Variants in NEGR1 observed in about 807,000 individuals in gnomAD.
NEGR1 encodes the protein IgLON family member 4.
Under a neutral mutation model 40.9 loss-of-function variants are expected in NEGR1, and 10 were observed. The observed-to-expected ratio is 0.24, with a 90% CI of 0.15 to 0.42. The LOEUF (loss-of-function observed/expected upper bound fraction) is 0.42, where lower values mean the gene tolerates loss of function less well. NEGR1 is among the 10% of genes least tolerant of loss of function. The probability of loss-of-function intolerance (pLI) is 1.00; values close to 1 mark genes in which losing one functional copy is unlikely to be tolerated. For synonymous variants in NEGR1, 185 were observed against 166.8 expected (o/e 1.11, Z -0.84); for missense variants, 352 against 438.9 (o/e 0.80, Z 1.77).
At chr1:72,126,576 T>C (rs1440904129) in intron 1 of NEGR1, among the ~76,000 whole-genome samples, 5 of 152,160 alleles carry the variant, frequency 3.3e-5, no homozygotes, top group African/African-American at 1.2e-4. Context: ...ACTAAGGCTT[T>C]GGGACAGTTT....
chr1:72,136,982 A>G (rs1202595568), intron 1 of NEGR1, among the ~76,000 whole-genome samples: 4 of 152,164 alleles, frequency 2.6e-5, no homozygotes, highest in African/African-American at 7.2e-5. Flanking sequence ...GCAGCCAACA[A>G]ACTTATGAAA....
At chr1:71,612,023 C>A (rs540184390) in intron 4 of NEGR1, among the ~76,000 whole-genome samples, 20 of 152,322 alleles carry the variant, frequency 1.3e-4, no homozygotes, top group Admixed American at 3.3e-4. Flanking sequence ...GAGATCAAGA[C>A]CATCCTGGCT....
At chr1:71,527,410 TC>T (rs1647230614) in intron 6 of NEGR1, among the ~76,000 whole-genome samples, 1 of 87,338 alleles carries the variant, frequency 1.1e-5, no homozygotes, top group Non-Finnish European at 2.9e-5. Context: ...CCACCATCCA[TC>T]CATCCATCCA....
At chr1:72,166,179 A>T (rs1186510199) in intron 1 of NEGR1, among the ~76,000 whole-genome samples, 3 of 152,006 alleles carry the variant, frequency 2.0e-5, no homozygotes, top group Admixed American at 2.0e-4. Flanking sequence ...CACAACTTTA[A>T]TTTTGCTACC....
chr1:71,810,287 A>G (rs1657948249), intron 2 of NEGR1, among the ~76,000 whole-genome samples: 1 of 152,080 alleles, frequency 6.6e-6, no homozygotes, highest in Non-Finnish European at 1.5e-5. Flanking sequence ...TTATACAGTA[A>G]TGACATTTTT....
At chr1:72,201,780 CAT>C (rs1557576098) in intron 1 of NEGR1, among the ~76,000 whole-genome samples, 4 of 151,778 alleles carry the variant, frequency 2.6e-5, no homozygotes, top group African/African-American at 9.7e-5. Context: ...CTTAATGAAA[CAT>C]GTAATTTTAG....
intron 2 of NEGR1, among the ~76,000 whole-genome samples, chr1:71,785,407 G>C (rs1003917398): frequency 6.6e-6 from 1 of 151,900 alleles, no homozygotes; most frequent in East Asian, 1.9e-4. Context: ...AAAACCTTCA[G>C]TGATGGTAAC....
chr1:71,773,976 T>C (rs182655050), intron 3 of NEGR1, among the ~76,000 whole-genome samples: 29 of 152,326 alleles, frequency 1.9e-4, no homozygotes, highest in Non-Finnish European at 3.4e-4. Flanking sequence ...TCTTAAATTA[T>C]ATGAAGATAG....
chr1:71,536,381 G>A (rs1647514743), intron 6 of NEGR1, among the ~76,000 whole-genome samples: 1 of 151,620 alleles, frequency 6.6e-6, no homozygotes. Flanking sequence ...CCCACAAGAA[G>A]TGGTTGTTGA....
intron 1 of NEGR1, among the ~76,000 whole-genome samples, chr1:72,254,768 G>A (rs1026228289): frequency 3.3e-5 from 5 of 149,686 alleles, no homozygotes; most frequent in Non-Finnish European, 5.9e-5. Flanking sequence ...CCAGGACAAC[G>A]TTGACATTTT....
At chr1:71,964,228 T>C (rs943455669) in intron 1 of NEGR1, among the ~76,000 whole-genome samples, 2 of 152,116 alleles carry the variant, frequency 1.3e-5, no homozygotes, top group Admixed American at 6.6e-5. Flanking sequence ...GACACCCCCA[T>C]CGAAAGGCAG....
At chr1:72,162,347 C>T (rs1651600509) in intron 1 of NEGR1, among the ~76,000 whole-genome samples, 1 of 151,142 alleles carries the variant, frequency 6.6e-6, no homozygotes, top group African/African-American at 2.4e-5. Flanking sequence ...TGCCTGTAAT[C>T]CCAGCTACTT....
intron 6 of NEGR1, among the ~76,000 whole-genome samples, chr1:71,530,593 G>A (rs975198538): frequency 1.3e-5 from 2 of 151,100 alleles, no homozygotes; most frequent in African/African-American, 2.4e-5. Context: ...AATTCAACAC[G>A]TATTTATTAA....
At chr1:72,251,473 G>T (rs1377204176) in intron 1 of NEGR1, among the ~76,000 whole-genome samples, 2 of 152,074 alleles carry the variant, frequency 1.3e-5, no homozygotes, top group African/African-American at 4.8e-5. Context: ...TCCATACGGG[G>T]TTAGTTTCAG....
rs1249596164 is a variant in NEGR1 at position 71,611,951 on chromosome 1, G to A, written c.668-805C>T. On this transcript the variant is annotated intron_variant, in intron 4 of 6. Coordinates refer to ENST00000357731, the MANE Select transcript of NEGR1 (RefSeq NM_173808.3). ...GAAATGTATTGCATTGGCCGAGTGCGGTGGCTCACGCCTGTAATCCCAGCA... is the reference window on the plus strand; with the variant it reads ...GAAATGTATTGCATTGGCCGAGTGCAGTGGCTCACGCCTGTAATCCCAGCA... Among the ~76,000 whole-genome samples the A allele has an allele frequency of 6.6e-5, 10 of 152,238 alleles. No homozygotes were observed. In the Middle Eastern group the frequency reaches 0.014, roughly 207 times the overall value.
intron 3 of NEGR1, among the ~76,000 whole-genome samples, chr1:71,717,040 C>T (rs1248018343): frequency 3.3e-5 from 5 of 152,278 alleles, no homozygotes; most frequent in Middle Eastern, 3.4e-3. Flanking sequence ...CTGTTTATGT[C>T]GTTGTTTCCA....
chr1:72,217,026 T>C (rs1653844467), intron 1 of NEGR1, among the ~76,000 whole-genome samples: 1 of 151,784 alleles, frequency 6.6e-6, no homozygotes, highest in East Asian at 1.9e-4. Context: ...CCTCTTTATC[T>C]GTAAGGTTTC....
intron 2 of NEGR1, among the ~76,000 whole-genome samples, chr1:71,783,004 T>TA (rs1326644939): frequency 2.6e-5 from 4 of 151,400 alleles, no homozygotes; most frequent in African/African-American, 7.3e-5. Flanking sequence ...TTTTTTTTTT[T>TA]ACTTTTGGAT....
chr1:71,721,299 C>A (rs1359979280), intron 3 of NEGR1, among the ~76,000 whole-genome samples: 1 of 152,004 alleles, frequency 6.6e-6, no homozygotes, highest in Non-Finnish European at 1.5e-5. Flanking sequence ...TGATGGAGGT[C>A]AGTTGCAGGA....
Sources: allele counts gnomAD v4.1 joint callset (sites outside exome capture counted in the v4.1 genomes callset), GRCh38; gene constraint gnomAD v4.1.1; transcripts MANE v1.5; gene names NCBI Gene and HGNC (gene_info 2026-07-23, HGNC 2026-07-21).